PSMB5: variants seen among roughly 807,000 people sequenced by gnomAD.
The protein encoded by PSMB5 is proteasome subunit beta type-5.
A neutral mutation model predicts 22.8 loss-of-function variants in PSMB5; 2 were observed. The observed-to-expected ratio is 0.09, with a 90% CI of 0.04 to 0.28. PSMB5 has a LOEUF of 0.28. PSMB5 is among the 10% of genes least tolerant of loss of function. The pLI is 1.00. For missense variants in PSMB5, 269 were observed against 343.8 expected, an observed-to-expected ratio of 0.78 and a Z score of 1.72; for synonymous variants, 133 against 135.3, an observed-to-expected ratio of 0.98 and a Z score of 0.12.
intron 2 of PSMB5, among the ~76,000 whole-genome samples, chr14:23,031,378 G>C (rs576775277): frequency 1.3e-5 from 2 of 152,108 alleles, no homozygotes; most frequent in South Asian, 2.1e-4. Flanking sequence ...TCTCACATCC[G>C]GTTTTTAATT....
At chr14:23,027,824 C>G in intron 2 of PSMB5, 1 of 1,545,278 alleles carries the variant, frequency 6.5e-7, no homozygotes, top group Non-Finnish European at 8.8e-7. Context: ...CACAGAACTT[C>G]AGACACTGTG....
At chr14:23,034,640 G>T (rs2046978216) in intron 1 of PSMB5, 44 bp downstream of exon 1, 1 of 1,597,692 alleles carries the variant, frequency 6.3e-7, no homozygotes, top group Non-Finnish European at 8.5e-7. Context: ...CAGGCAAGTC[G>T]CGGGCGTTCA....
intron 2 of PSMB5, among the ~76,000 whole-genome samples, chr14:23,031,922 C>CT (rs1231299224): frequency 1.3e-5 from 2 of 151,862 alleles, no homozygotes; most frequent in Admixed American, 1.3e-4. Context: ...AACCCTGTCT[C>CT]TACTAAAAAT....
In PSMB5 at chr14:23,025,910, C is replaced by T; in HGVS notation, c.*179G>A. 1 of 1,443,430 alleles carries T rather than the reference C, an allele frequency of 6.9e-7. No individual in the cohort carries two copies. Among genetic ancestry groups the T allele is most frequent in the Non-Finnish European group, 9.1e-7 (1 of 1,102,990 alleles). 89.4% of individuals were successfully genotyped at this position (1,443,430 alleles called of 1,614,324 possible). A position where few individuals can be genotyped will look rare whatever the true frequency, so the allele number is the denominator to read the frequency against. On this transcript the variant is annotated 3_prime_UTR_variant, in exon 3 of 3. Transcript: ENST00000361611. ...CCAAGAAAGTAAAACAAATAGTCAC[C>T]TCTGCAGCAGCTCATTAATGACTGG...
At chr14:23,028,650 C>T (rs922838758) in intron 2 of PSMB5, among the ~76,000 whole-genome samples, 2 of 152,146 alleles carry the variant, frequency 1.3e-5, no homozygotes, top group African/African-American at 2.4e-5. Context: ...GTTATTGGAA[C>T]AGAGCCACTG....
At chr14:23,027,816 C>A in intron 2 of PSMB5, 1 of 1,546,404 alleles carries the variant, frequency 6.5e-7, no homozygotes, top group Non-Finnish European at 8.7e-7. Flanking sequence ...GTTTCAAGCA[C>A]AGAACTTCAG....
Position 23,026,008 on chromosome 14 carries a change from T to G in PSMB5, c.*81A>C, listed in dbSNP as rs1341345503. The G allele has an allele frequency of 1.3e-6, 2 of 1,565,482 alleles. No individual in the cohort carries two copies. The highest frequency in any genetic ancestry group is 2.7e-5 in the African/African-American group (2 of 73,802). ...CAATTGAAGGCCCTTCCACTATAAA[T>G]AGGATGGAGGATGGGTCACTGTGTC... On this transcript the variant is annotated 3_prime_UTR_variant, in exon 3 of 3. Transcript: ENST00000361611.
rs113091841 is a variant in PSMB5, at chr14:23,026,076, C to T, written c.*13G>A. 1.3e-5 allele frequency: 21 copies of T among 1,612,484 alleles called. No individual in the cohort carries two copies. The highest frequency in any genetic ancestry group is 9.3e-5 in the African/African-American group (7 of 74,906). ...TCACCCCAAGAAACACAAGCAGCTGCATCCACCCTCTTTCAGGGGGTAGAG... is the reference window on the plus strand; with the variant it reads ...TCACCCCAAGAAACACAAGCAGCTGTATCCACCCTCTTTCAGGGGGTAGAG... On this transcript the variant is annotated 3_prime_UTR_variant, in exon 3 of 3. Transcript: ENST00000361611.
intron 2 of PSMB5, among the ~76,000 whole-genome samples, chr14:23,032,819 C>T (rs1198546732): frequency 1.3e-5 from 2 of 149,382 alleles, no homozygotes; most frequent in African/African-American, 4.9e-5. Context: ...AGGATGGTCT[C>T]GATCTCCTGA....
intron 2 of PSMB5, chr14:23,027,857 T>C (rs1471268221): frequency 7.9e-6 from 12 of 1,519,852 alleles, no homozygotes; most frequent in Non-Finnish European, 1.1e-5. Context: ...TAAAACATAA[T>C]CCCCGGCCAG....
chr14:23,027,644 T>A (rs1229925885), intron 2 of PSMB5: 11 of 792,292 alleles, frequency 1.4e-5, no homozygotes, highest in Non-Finnish European at 2.2e-5. Context: ...TGAGATGCTG[T>A]CTTCAGGAAA....
upstream of PSMB5, chr14:23,035,195 T>A: frequency 3.0e-6 from 1 of 331,666 alleles, no homozygotes; most frequent in Non-Finnish European, 5.6e-6. Flanking sequence ...ACGTCCATGT[T>A]GCGTAAGGGA....
At chr14:23,027,801 C>T in intron 2 of PSMB5, 1 of 1,547,878 alleles carries the variant, frequency 6.5e-7, no homozygotes, top group Non-Finnish European at 8.7e-7. Context: ...TTCCAAATGA[C>T]TTAGGTTTCA....
rs549698603 is a variant in PSMB5 at position 23,031,774 on chromosome 14, T to A, written c.505+1594A>T. Among the ~76,000 whole-genome samples, 262 of 152,242 alleles carry A rather than the reference T, an allele frequency of 1.7e-3. 1 individual carries two copies. Among genetic ancestry groups the A allele is most frequent in the Non-Finnish European group, 3.2e-3 (217 of 68,014 alleles). ...CCTAGCATGATTGTAAGGGTGATTA[T>A]AACCAGCAAAGAAATAAAAGAAATG... On this transcript the variant is annotated intron_variant, in intron 2 of 2. Coordinates refer to ENST00000361611, the MANE Select transcript of PSMB5 (RefSeq NM_002797.5).
intron 2 of PSMB5, among the ~76,000 whole-genome samples, chr14:23,030,228 G>A (rs564646553): frequency 1.3e-5 from 2 of 150,048 alleles, no homozygotes; most frequent in African/African-American, 2.4e-5. Context: ...TGTGGCTCAC[G>A]CCTGCAATCC....
At chr14:23,027,197 A>G (rs1232596954) in intron 2 of PSMB5, among the ~76,000 whole-genome samples, 1 of 151,654 alleles carries the variant, frequency 6.6e-6, no homozygotes, top group Non-Finnish European at 1.5e-5. Flanking sequence ...CCTGGCTAAC[A>G]CGGTGAAACC....
At chr14:23,029,083 G>C (rs1161514715) in intron 2 of PSMB5, among the ~76,000 whole-genome samples, 2 of 152,132 alleles carry the variant, frequency 1.3e-5, no homozygotes, top group Non-Finnish European at 2.9e-5. Flanking sequence ...ACTTACCCTA[G>C]GTATTTTTTA....
At position 23,025,974 on chromosome 14, in the gene PSMB5, G is replaced by C; in HGVS notation, c.*115C>G. ...TCAATGTGCCAGAGCTTAAAAAAAAGTACTGATACAATTGAAGGCCCTTCC... is the reference window on the plus strand; with the variant it reads ...TCAATGTGCCAGAGCTTAAAAAAAACTACTGATACAATTGAAGGCCCTTCC... On this transcript the variant is annotated 3_prime_UTR_variant, in exon 3 of 3. Transcript: ENST00000361611. The C allele has an allele frequency of 6.5e-7, 1 of 1,527,868 alleles. No homozygotes were observed. Among genetic ancestry groups the C allele is most frequent in the Non-Finnish European group, 8.8e-7 (1 of 1,139,566 alleles). The allele number at this position is 1,527,868 out of a possible 1,614,324, so 94.6% of individuals were successfully genotyped here. A position where few individuals can be genotyped will look rare whatever the true frequency, so the allele number is the denominator to read the frequency against.
chr14:23,030,235 A>G (rs989470638), intron 2 of PSMB5, among the ~76,000 whole-genome samples: 3 of 149,842 alleles, frequency 2.0e-5, no homozygotes, highest in Admixed American at 6.6e-5. Context: ...CACGCCTGCA[A>G]TCCCAGCACT....
Sources: gnomAD v4.1 joint callset for allele counts (sites outside exome capture counted in the v4.1 genomes callset) on GRCh38, gnomAD v4.1.1 for gene constraint, MANE v1.5 for transcripts, NCBI Gene and HGNC (gene_info 2026-07-23, HGNC 2026-07-21) for gene names.